The following SLCO1B3 variants were observed in gnomAD, a reference collection of about 807,000 sequenced individuals.
SLCO1B3 encodes liver-specific organic anion transporter 2.
Under a neutral mutation model 71.8 loss-of-function variants are expected in SLCO1B3, and 72 were observed. The observed-to-expected ratio is 1.00, with a 90% CI of 0.83 to 1.22. The LOEUF (loss-of-function observed/expected upper bound fraction) is 1.22, where lower values mean the gene tolerates loss of function less well. SLCO1B3 is among the 50% of genes most tolerant of loss of function. The pLI is 0.00. For synonymous variants in SLCO1B3, 298 were observed against 278.4 expected (o/e 1.07, Z -0.70); for missense variants, 911 against 819.7 (o/e 1.11, Z -1.36).
chr12:20,835,868 C>T (rs1328821291), intron 3 of SLCO1B3, among the ~76,000 whole-genome samples: 1 of 152,148 alleles, frequency 6.6e-6, no homozygotes, highest in Non-Finnish European at 1.5e-5. Flanking sequence ...GTAGCAATGC[C>T]CCTCAGTACC....
intron 3 of SLCO1B3, among the ~76,000 whole-genome samples, chr12:20,851,967 A>G (rs759787782): frequency 9.9e-5 from 15 of 152,146 alleles, no homozygotes; most frequent in Admixed American, 4.6e-4. Context: ...ACTTGTCCAT[A>G]TAGGCAACAG....
intron 15 of SLCO1B3, among the ~76,000 whole-genome samples, chr12:20,913,160 G>A (rs1170096813): frequency 1.3e-5 from 2 of 152,040 alleles, no homozygotes; most frequent in South Asian, 2.1e-4. Context: ...TGGTGAATCC[G>A]TGCATTTCTG....
At chr12:20,863,254 G>A (rs1865306495) in intron 8 of SLCO1B3, among the ~76,000 whole-genome samples, 2 of 151,868 alleles carry the variant, frequency 1.3e-5, no homozygotes, top group Admixed American at 1.3e-4. Flanking sequence ...ATTGACTTAC[G>A]GCAGGGGTGG....
intron 13 of SLCO1B3, among the ~76,000 whole-genome samples, chr12:20,883,969 A>C (rs1431225894): frequency 6.6e-6 from 1 of 152,202 alleles, no homozygotes; most frequent in Non-Finnish European, 1.5e-5. Flanking sequence ...GATTTCATTG[A>C]AAGAAAACAT....
At chr12:20,822,810 C>T (rs1474621774) in intron 3 of SLCO1B3, among the ~76,000 whole-genome samples, 1 of 152,168 alleles carries the variant, frequency 6.6e-6, no homozygotes, top group African/African-American at 2.4e-5. Flanking sequence ...GGAAGGGCAT[C>T]TTTTTGCAGA....
In SLCO1B3 at chr12:20,850,150, T is replaced by A. The variant is rs964657477; in HGVS notation, c.85-4878T>A. On this transcript the variant is annotated intron_variant, in intron 3 of 15. Transcript: ENST00000381545. The stretch of plus-strand genomic sequence containing the variant: ...AAAAAATAACAAAGTTGGAAAAAAA[T>A]TTTTAAAACTTTTATTTTAACTTCA... Among the ~76,000 whole-genome samples, 12 of 150,470 alleles carry A rather than the reference T, an allele frequency of 8.0e-5. No homozygotes were observed. In the East Asian group the frequency reaches 1.2e-3, roughly 15 times the overall value.
At chr12:20,855,388 G>A (rs1865113394) in intron 4 of SLCO1B3, among the ~76,000 whole-genome samples, 1 of 152,128 alleles carries the variant, frequency 6.6e-6, no homozygotes, top group South Asian at 2.1e-4. Flanking sequence ...GCTAAACACT[G>A]TGCAATGCAC....
chr12:20,908,171 G>C (rs1591793227), intron 15 of SLCO1B3, among the ~76,000 whole-genome samples: 1 of 150,610 alleles, frequency 6.6e-6, no homozygotes, highest in Non-Finnish European at 1.5e-5. Context: ...TCATTTGCCA[G>C]TTAATACACT....
intron 1 of SLCO1B3, among the ~76,000 whole-genome samples, chr12:20,812,566 C>T (rs532367023): frequency 7.5e-4 from 114 of 152,248 alleles, no homozygotes; most frequent in Non-Finnish European, 1.5e-3. Flanking sequence ...TCTGCAAGTG[C>T]TTATGGTTGT....
rs1865238060 is a variant in SLCO1B3, at chr12:20,860,492, A to C, written c.360-525A>C. Among the ~76,000 whole-genome samples the C allele has an allele frequency of 2.0e-5, 3 of 152,192 alleles. No individual in the cohort carries two copies. The South Asian group carries it at 6.2e-4, about 32-fold the overall frequency. On this transcript the variant is annotated intron_variant, in intron 5 of 15. Transcript: ENST00000381545. ...AGAGCGGTTAGTATTTTTGAGCATC[A>C]GCGTCTGTCCCTGATCCAGCTCCAT... is the stretch of plus-strand genomic sequence containing the variant.
intron 12 of SLCO1B3, among the ~76,000 whole-genome samples, chr12:20,882,073 T>C (rs577562585): frequency 3.9e-5 from 6 of 152,304 alleles, no homozygotes; most frequent in Admixed American, 2.6e-4. Context: ...TCAGCTATAG[T>C]ATCTTTCAGT....
intron 11 of SLCO1B3, among the ~76,000 whole-genome samples, chr12:20,880,633 A>C (rs1865671397): frequency 6.6e-6 from 1 of 151,998 alleles, no homozygotes; most frequent in Admixed American, 6.6e-5. Flanking sequence ...AAAGAAGGAG[A>C]GTTAAAAGTC....
chr12:20,835,932 G>C (rs1259022504), intron 3 of SLCO1B3, among the ~76,000 whole-genome samples: 1 of 152,108 alleles, frequency 6.6e-6, no homozygotes, highest in East Asian at 1.9e-4. Context: ...CTGAAGACTG[G>C]GTAATTTATA....
At chr12:20,860,897 A>G in intron 5 of SLCO1B3, 120 bp from the exon 6 acceptor site, 1 of 1,016,004 alleles carries the variant, frequency 9.8e-7, no homozygotes, top group Non-Finnish European at 1.4e-6. Context: ...GACAAACAAG[A>G]TTCTGGTAAT....
chr12:20,860,942 T>A (rs571173259), intron 5 of SLCO1B3, 75 bp from the exon 6 acceptor site: 13 of 1,408,686 alleles, frequency 9.2e-6, no homozygotes, highest in Non-Finnish European at 1.2e-5. Context: ...AAGGAGAAAA[T>A]TTCTCTGTAT....
chr12:20,905,642 G>A (rs1866228717), intron 15 of SLCO1B3, among the ~76,000 whole-genome samples: 1 of 152,128 alleles, frequency 6.6e-6, no homozygotes, highest in African/African-American at 2.4e-5. Context: ...CTAAGCTAAA[G>A]CATGGCAAGA....
At chr12:20,899,205 T>C (rs1040600306) in intron 14 of SLCO1B3, among the ~76,000 whole-genome samples, 4 of 152,230 alleles carry the variant, frequency 2.6e-5, no homozygotes, top group Non-Finnish European at 5.9e-5. Flanking sequence ...TTGTCCCTTA[T>C]TGCCATTTGC....
intron 15 of SLCO1B3, among the ~76,000 whole-genome samples, chr12:20,903,886 A>G (rs554318448): frequency 6.6e-6 from 1 of 152,276 alleles, no homozygotes; most frequent in East Asian, 1.9e-4. Flanking sequence ...CCACAGTCCA[A>G]AGTCTCTTCT....
At chr12:20,823,145 A>G (rs892770125) in intron 3 of SLCO1B3, among the ~76,000 whole-genome samples, 2 of 152,188 alleles carry the variant, frequency 1.3e-5, no homozygotes, top group African/African-American at 4.8e-5. Flanking sequence ...TATAGGCCAT[A>G]TCACTCTGAA....
Sources: allele counts gnomAD v4.1 joint callset (sites outside exome capture counted in the v4.1 genomes callset), GRCh38; gene constraint gnomAD v4.1.1; transcripts MANE v1.5; gene names NCBI Gene and HGNC (gene_info 2026-07-23, HGNC 2026-07-21).